Variants in FRY observed in about 807,000 individuals in gnomAD.
FRY encodes the protein protein furry homolog.
Under a neutral mutation model 348.4 loss-of-function variants are expected in FRY, and 128 were observed. The observed-to-expected ratio is 0.37, with a 90% CI of 0.32 to 0.43. FRY has a LOEUF of 0.43. Ranked by LOEUF, FRY falls within the 20% of genes least tolerant of loss-of-function variation. The probability of loss-of-function intolerance (pLI) is 1.00; values close to 1 mark genes in which losing one functional copy is unlikely to be tolerated. For synonymous variants in FRY, 1,370 were observed against 1,374.7 expected, an observed-to-expected ratio of 1.00 and a Z score of 0.08; for missense variants, 2,736 against 3,695.2, an observed-to-expected ratio of 0.74 and a Z score of 6.73.
Position 32,239,635 on chromosome 13 carries a change from C to A in FRY, c.6517-76C>A. ...CAATCTACTTTCCAGATGGCCAGAGCTTATAGTAAAATTGCTAACATTTCT... is the reference window on the plus strand; with the variant it reads ...CAATCTACTTTCCAGATGGCCAGAGATTATAGTAAAATTGCTAACATTTCT... On this transcript the variant is annotated intron_variant, in intron 45 of 60. Transcript: ENST00000542859. This position sits in a 1 kb window ranked among gnomAD's most constrained non-coding sequence, Gnocchi z 4.3. 1 of 1,027,960 alleles carries A rather than the reference C, an allele frequency of 9.7e-7. No homozygotes were observed. The highest frequency in any genetic ancestry group is 1.5e-6 in the Non-Finnish European group (1 of 663,490). The allele number at this position is 1,027,960 out of a possible 1,614,324, so 63.7% of individuals were successfully genotyped here.
rs2138433646 is a variant in FRY at position 32,231,222 on chromosome 13, A to T, written c.5449A>T (p.Asn1817Tyr). ...LWCHEDITPK[N>Y]QNSKSAEQLT... Reference sequence around the variant, plus strand: ...GTGCCATGAAGACATCACACCTAAAAATCAAAATTCAAAGAGTGCTGAACA... The same window carrying T: ...GTGCCATGAAGACATCACACCTAAATATCAAAATTCAAAGAGTGCTGAACA... The change falls in exon 41 of 61, where the codon AAT becomes TAT. Residue 1817 changes from asparagine (N) to tyrosine (Y), a missense_variant. By Grantham distance (143) the Asn-to-Tyr change is moderately radical (BLOSUM62 -2). Transcript: ENST00000542859. 1 of 1,613,244 alleles carries T rather than the reference A, an allele frequency of 6.2e-7. No homozygotes were observed. The highest frequency in any genetic ancestry group is 2.2e-5 in the East Asian group (1 of 44,880).
chr13:32,054,996 A>T (rs1566046606), intron 1 of FRY, among the ~76,000 whole-genome samples: 1 of 152,328 alleles, frequency 6.6e-6, no homozygotes, highest in East Asian at 1.9e-4. Flanking sequence ...TGAGTTATAG[A>T]TACAAGGTTA....
At chr13:32,227,178 C>G (rs1428527063) in intron 39 of FRY, among the ~76,000 whole-genome samples, 3 of 152,094 alleles carry the variant, frequency 2.0e-5, no homozygotes, top group Admixed American at 6.6e-5. Flanking sequence ...CAGTAGATAG[C>G]TAAAGTGACT....
chr13:32,228,711 C>T (rs1441514873), intron 40 of FRY, 57 bp downstream of exon 40: 1 of 1,439,586 alleles, frequency 6.9e-7, no homozygotes, highest in African/African-American at 1.4e-5. Flanking sequence ...GGAAAATTGC[C>T]AACGCTTTAA....
intron 49 of FRY, among the ~76,000 whole-genome samples, chr13:32,250,354 G>C (rs191848560): frequency 3.9e-4 from 59 of 152,332 alleles, no homozygotes; most frequent in African/African-American, 1.3e-3. Flanking sequence ...TTGGCTTCAA[G>C]CACAGTTGGC....
At position 32,161,199 on chromosome 13, in the gene FRY, C is replaced by T. The variant is rs776773297; in HGVS notation, c.1840C>T (p.Arg614Ter). ...LFRTCVAAIP[R>*]LLPDGMSKLE... is the part of the protein sequence containing the mutation. ...CAGGACCTGTGTTGCTGCTATTCCT[C>T]GACTGCTTCCTGATGGGATGTCAAA... is the stretch of plus-strand genomic sequence containing the variant. The change falls in exon 17 of 61, where the codon CGA becomes TGA. Residue 614 changes from arginine (R) to a stop codon, truncating the protein, a stop_gained. Transcript: ENST00000542859. LOFTEE classifies it high-confidence loss of function. 3.7e-6 allele frequency: 6 copies of T among 1,613,336 alleles called. No homozygotes were observed. The highest frequency in any genetic ancestry group is 5.1e-6 in the Non-Finnish European group (6 of 1,179,432).
At chr13:32,155,812 C>A (rs766256610) in intron 15 of FRY, 150 bp downstream of exon 15, 5 of 614,324 alleles carry the variant, frequency 8.1e-6, no homozygotes, top group Admixed American at 6.2e-5. Flanking sequence ...TTGATTCATG[C>A]TGTGTTTTGT....
At chr13:32,060,809 G>T (rs964601925) in intron 1 of FRY, 6 of 285,850 alleles carry the variant, frequency 2.1e-5, no homozygotes, top group African/African-American at 1.1e-4. Context: ...TAGACATACG[G>T]GCACTCTGTG....
intron 42 of FRY, among the ~76,000 whole-genome samples, chr13:32,235,815 G>A (rs1446273207): frequency 6.6e-6 from 1 of 152,134 alleles, no homozygotes; most frequent in Non-Finnish European, 1.5e-5. Flanking sequence ...CCTCAGCAGA[G>A]GGTCATGCTT....
At chr13:32,130,780 T>C (rs942227389) in intron 7 of FRY, among the ~76,000 whole-genome samples, 1 of 151,946 alleles carries the variant, frequency 6.6e-6, no homozygotes, top group Non-Finnish European at 1.5e-5. Context: ...CATTCATCTT[T>C]ACCTTTTAGA....
chr13:32,171,150 G>T lies in FRY; in HGVS notation c.2031G>T (p.Met677Ile), dbSNP rs749071472. 1.9e-6 allele frequency: 3 copies of T among 1,613,832 alleles called. No individual in the cohort carries two copies. Among genetic ancestry groups the T allele is most frequent in the Non-Finnish European group, 2.5e-6 (3 of 1,179,832 alleles). The change falls in exon 18 of 61, where the codon ATG becomes ATT. Residue 677 changes from methionine to isoleucine, a missense_variant. Transcript: ENST00000542859. ...TNFLLREVNDMHHTLLDSSLK... is the reference protein window; with the variant it reads ...TNFLLREVNDIHHTLLDSSLK... ...TCCTGCTCCGGGAAGTAAATGATAT[G>T]CATCACACACTCCTTGATTCGTCCC...
rs767004306 is a variant in FRY, at chr13:32,194,146, C to T, written c.3595C>T (p.His1199Tyr). The stretch of plus-strand genomic sequence containing the variant: ...TTGATTTGCTCCATGTATTCAGGTT[C>T]ATCAACTTGGCTGCGAAGTTGTTGT... ...NILACQDLRVHQLGCEVVVLL... is the reference protein window; with the variant it reads ...NILACQDLRVYQLGCEVVVLL... The change falls in exon 29 of 61, where the codon CAT becomes TAT. Residue 1199 changes from histidine to tyrosine, a missense_variant. This residue lies in a region of FRY where 794 missense variants were observed against 977.0 expected (regional missense o/e 0.81). Transcript: ENST00000542859. 1 of 1,613,210 alleles carries T rather than the reference C, an allele frequency of 6.2e-7. No individual in the cohort carries two copies. Among genetic ancestry groups the T allele is most frequent in the Non-Finnish European group, 8.5e-7 (1 of 1,179,160 alleles).
At position 32,295,139 on chromosome 13, in the gene FRY, T is replaced by C; in HGVS notation, c.8784-63T>C. 4 of 1,472,656 alleles carry C rather than the reference T, an allele frequency of 2.7e-6. No homozygotes were observed. In the South Asian group the frequency reaches 4.5e-5, roughly 17 times the overall value. 91.2% of individuals were successfully genotyped at this position (1,472,656 alleles called of 1,614,324 possible). A position where few individuals can be genotyped will look rare whatever the true frequency, so the allele number is the denominator to read the frequency against. ...GTAATACTCTTATATTAATGAAGAC[T>C]CATAAGCTCCCAACTTTGTGACTAA... is the stretch of plus-strand genomic sequence containing the variant. On this transcript the variant is annotated intron_variant, in intron 60 of 60. Coordinates refer to ENST00000542859, the MANE Select transcript of FRY (RefSeq NM_023037.3).
At chr13:32,115,831 C>G (rs189532455) in intron 3 of FRY, among the ~76,000 whole-genome samples, 5 of 152,144 alleles carry the variant, frequency 3.3e-5, no homozygotes, top group Admixed American at 2.6e-4. Flanking sequence ...CTGGTTTTCA[C>G]ATGCACTCTA....
intron 29 of FRY, among the ~76,000 whole-genome samples, chr13:32,197,114 C>G (rs1400678447): frequency 6.6e-6 from 1 of 152,132 alleles, no homozygotes; most frequent in Non-Finnish European, 1.5e-5. Flanking sequence ...TTCCAACACA[C>G]TTTTAAAACG....
chr13:32,090,927 TA>T (rs143938086), intron 2 of FRY, among the ~76,000 whole-genome samples: 11 of 151,162 alleles, frequency 7.3e-5, no homozygotes, highest in East Asian at 3.9e-4. Context: ...AGATTTTGCT[TA>T]AAAAAAAAGT....
At chr13:32,093,663 T>A (rs1876488614) in intron 2 of FRY, among the ~76,000 whole-genome samples, 1 of 152,206 alleles carries the variant, frequency 6.6e-6, no homozygotes, top group East Asian at 1.9e-4. Flanking sequence ...TTTTTTGTGC[T>A]GTGAGCAGCC....
chr13:32,138,112 A>G (rs1879833145), intron 11 of FRY, among the ~76,000 whole-genome samples: 1 of 151,972 alleles, frequency 6.6e-6, no homozygotes, highest in East Asian at 1.9e-4. Context: ...GGCCACTTTC[A>G]GGTTTGTTTT....
intron 23 of FRY, among the ~76,000 whole-genome samples, chr13:32,182,484 A>T (rs1882771249): frequency 6.6e-6 from 1 of 152,346 alleles, no homozygotes; most frequent in African/African-American, 2.4e-5. Flanking sequence ...TTTGCGGAGC[A>T]CAGATCCCAA....
Sources: gnomAD v4.1 joint callset for allele counts (sites outside exome capture counted in the v4.1 genomes callset) on GRCh38, gnomAD v4.1.1 for gene constraint, gnomAD v4.1.1 regional missense constraint, Gnocchi (gnomAD v3.1) non-coding constraint, MANE v1.5 for transcripts, NCBI Gene and HGNC (gene_info 2026-07-23, HGNC 2026-07-21) for gene names.